Variants in UTS2B observed in about 807,000 individuals in gnomAD.
The protein encoded by UTS2B is urotensin 2B, also known as urotensin-2B.
UTS2B carries 21 observed loss-of-function variants against 19.2 expected under a neutral mutation model. The observed-to-expected ratio is 1.09, with a 90% CI of 0.78 to 1.58. The LOEUF (loss-of-function observed/expected upper bound fraction) is 1.58, where lower values mean the gene tolerates loss of function less well. Among genes scored for constraint, UTS2B ranks in the 40% most tolerant of loss-of-function variants. The pLI is 0.00. For synonymous variants in UTS2B, 57 were observed against 50.2 expected (o/e 1.14, Z -0.58); for missense variants, 138 against 130.3 (o/e 1.06, Z -0.29).
At chr3:191,270,328 T>C (rs7624389) in intron 8 of UTS2B, among the ~76,000 whole-genome samples, 79,013 of 151,840 alleles carry the variant, frequency 0.52, 21,337 homozygotes, top group Non-Finnish European at 0.59. Flanking sequence ...TCATGAGTAC[T>C]TGGGACTACT....
intron 1 of UTS2B, chr3:191,329,784 A>T: frequency 6.4e-7 from 1 of 1,556,596 alleles, no homozygotes. Context: ...AGGTTCTCTC[A>T]GGTCAGGGGC....
intron 3 of UTS2B, among the ~76,000 whole-genome samples, chr3:191,313,632 C>T (rs988547494): frequency 2.0e-4 from 30 of 151,990 alleles, no homozygotes; most frequent in African/African-American, 5.8e-4. Context: ...GTCTGCTCAC[C>T]TGCACATAGA....
chr3:191,280,953 C>G (rs1387372583), intron 5 of UTS2B, among the ~76,000 whole-genome samples: 1 of 152,052 alleles, frequency 6.6e-6, no homozygotes, highest in African/African-American at 2.4e-5. Flanking sequence ...CTTTGATTCC[C>G]AGGCTTGTAT....
upstream of UTS2B, among the ~76,000 whole-genome samples, chr3:191,331,313 CT>C (rs1341629451): frequency 1.3e-5 from 2 of 152,142 alleles, no homozygotes; most frequent in African/African-American, 4.8e-5. Context: ...AAACATAAAA[CT>C]CTTCATATAC....
chr3:191,325,646 GTAC>G lies in UTS2B; in HGVS notation c.-586+2982_-586+2984del, dbSNP rs544418834. Among the ~76,000 whole-genome samples, 12 of 152,322 alleles carry G rather than the reference GTAC, an allele frequency of 7.9e-5. No individual in the cohort carries two copies. In the South Asian group the frequency reaches 2.3e-3, roughly 29 times the overall value. On this transcript the variant is annotated intron_variant, in intron 2 of 8. Transcript: ENST00000340524. ...GGCCTGGAGTAAAGAGGCCTAAACT[GTAC>G]GGTTGGATTATTGTCCTAATAGTCT...
chr3:191,273,741 C>T, intron 8 of UTS2B, among the ~76,000 whole-genome samples: 1 of 152,234 alleles, frequency 6.6e-6, no homozygotes, highest in South Asian at 2.1e-4. Flanking sequence ...ACTTTCTTCT[C>T]CTCCAGTTAT....
At chr3:191,300,524 G>A (rs568118171) in intron 4 of UTS2B, among the ~76,000 whole-genome samples, 1 of 152,334 alleles carries the variant, frequency 6.6e-6, no homozygotes, top group South Asian at 2.1e-4. Flanking sequence ...AGTGAATCCT[G>A]GAATGAGTTA....
At chr3:191,345,922 A>G in the UTS2B span, among the ~76,000 whole-genome samples, 4 of 152,218 alleles carry the variant, frequency 2.6e-5, no homozygotes, top group African/African-American at 9.7e-5. Context: ...ATGCTATTAT[A>G]TAATATAGTG....
chr3:191,318,479 T>G (rs1434574908), intron 2 of UTS2B, among the ~76,000 whole-genome samples: 1 of 152,218 alleles, frequency 6.6e-6, no homozygotes, highest in East Asian at 1.9e-4. Context: ...GTTTTATTTT[T>G]TATTTTTGAG....
intron 2 of UTS2B, among the ~76,000 whole-genome samples, chr3:191,323,845 A>G (rs1432143259): frequency 6.6e-6 from 1 of 152,116 alleles, no homozygotes. Context: ...TACCTCTAGG[A>G]GTGAGTTGGA....
chr3:191,319,822 C>T (rs1249703968), intron 2 of UTS2B, among the ~76,000 whole-genome samples: 7 of 149,278 alleles, frequency 4.7e-5, no homozygotes, highest in South Asian at 4.2e-4. Flanking sequence ...GAGCCAAGAT[C>T]GCGCCACTGC....
At chr3:191,281,936 G>T in intron 5 of UTS2B, 151 bp downstream of exon 5, 1 of 623,884 alleles carries the variant, frequency 1.6e-6, no homozygotes, top group Non-Finnish European at 2.8e-6. Context: ...ATTTAATTCT[G>T]ACCAGCAACT....
chr3:191,337,004 C>A, the UTS2B span, among the ~76,000 whole-genome samples: 1 of 152,100 alleles, frequency 6.6e-6, no homozygotes, highest in African/African-American at 2.4e-5. Context: ...GTATGAAATT[C>A]AAATTTCAGT....
At chr3:191,314,840 G>A (rs144564638) in intron 3 of UTS2B, among the ~76,000 whole-genome samples, 9 of 152,260 alleles carry the variant, frequency 5.9e-5, no homozygotes, top group Non-Finnish European at 8.8e-5. Flanking sequence ...TAGCTGACAC[G>A]TGGAGGTTTC....
chr3:191,320,991 C>G (rs1203993752), intron 2 of UTS2B, among the ~76,000 whole-genome samples: 1 of 152,204 alleles, frequency 6.6e-6, no homozygotes, highest in African/African-American at 2.4e-5. Context: ...TAAAGGGCTT[C>G]TCCCTGATTA....
At chr3:191,269,948 A>T (rs993168074) in intron 8 of UTS2B, among the ~76,000 whole-genome samples, 2 of 152,136 alleles carry the variant, frequency 1.3e-5, no homozygotes, top group South Asian at 2.1e-4. Context: ...TAAAACCCCA[A>T]CCAGCTTTCT....
At chr3:191,290,517 G>C (rs1716682396) in intron 4 of UTS2B, among the ~76,000 whole-genome samples, 1 of 152,086 alleles carries the variant, frequency 6.6e-6, no homozygotes, top group Non-Finnish European at 1.5e-5. Context: ...GTGAAACCCA[G>C]ATCTACCCAA....
intron 3 of UTS2B, among the ~76,000 whole-genome samples, chr3:191,312,055 G>A (rs2108603952): frequency 6.6e-6 from 1 of 151,984 alleles, no homozygotes; most frequent in Non-Finnish European, 1.5e-5. Flanking sequence ...GGGAGGCTTA[G>A]GCAACAGAAT....
At chr3:191,308,257 T>C (rs1717198434) in intron 3 of UTS2B, among the ~76,000 whole-genome samples, 2 of 152,184 alleles carry the variant, frequency 1.3e-5, no homozygotes, top group African/African-American at 4.8e-5. Flanking sequence ...GGGCTAGGAA[T>C]AAAGGAAGAG....
Sources: gnomAD v4.1 joint callset for allele counts (sites outside exome capture counted in the v4.1 genomes callset) on GRCh38, gnomAD v4.1.1 for gene constraint, MANE v1.5 for transcripts, NCBI Gene and HGNC (gene_info 2026-07-23, HGNC 2026-07-21) for gene names.